GRIA4: variants seen among roughly 807,000 people sequenced by gnomAD.
GRIA4 encodes the protein glutamate ionotropic receptor AMPA type subunit 4.
GRIA4 carries 34 observed loss-of-function variants against 104.0 expected under a neutral mutation model. The observed-to-expected ratio is 0.33, with a 90% CI of 0.25 to 0.44. The LOEUF is 0.44. Ranked by LOEUF, GRIA4 falls within the 20% of genes least tolerant of loss-of-function variation. GRIA4 has a pLI of 1.00. For missense variants in GRIA4, 750 were observed against 1,096.5 expected, an observed-to-expected ratio of 0.68 and a Z score of 4.46; for synonymous variants, 386 against 381.9, an observed-to-expected ratio of 1.01 and a Z score of -0.13.
At chr11:105,947,617 T>A (rs1948348990) in intron 14 of GRIA4, among the ~76,000 whole-genome samples, 1 of 152,170 alleles carries the variant, frequency 6.6e-6, no homozygotes, top group South Asian at 2.1e-4. Flanking sequence ...AAGCATTGAT[T>A]TATATACTTG....
chr11:105,677,921 T>C (rs933025117), intron 3 of GRIA4, among the ~76,000 whole-genome samples: 6 of 151,990 alleles, frequency 3.9e-5, no homozygotes, highest in Non-Finnish European at 8.8e-5. Flanking sequence ...TGTTGCATTG[T>C]GAAGCATATT....
chr11:105,881,689 GA>G (rs770902987), intron 5 of GRIA4, among the ~76,000 whole-genome samples: 2 of 151,638 alleles, frequency 1.3e-5, no homozygotes, highest in African/African-American at 2.4e-5. Flanking sequence ...AAGTATAGAA[GA>G]AAATAAACAC....
chr11:105,858,032 C>T (rs987933652), intron 4 of GRIA4, among the ~76,000 whole-genome samples: 37 of 152,046 alleles, frequency 2.4e-4, no homozygotes, highest in African/African-American at 8.5e-4. Context: ...GACTGCTTAC[C>T]TCATTTTGAT....
intron 4 of GRIA4, among the ~76,000 whole-genome samples, chr11:105,823,380 T>C (rs1218824411): frequency 2.6e-5 from 4 of 151,970 alleles, no homozygotes; most frequent in African/African-American, 9.7e-5. Flanking sequence ...GTTAGGTTCT[T>C]GTGGAAAAAA....
chr11:105,859,064 A>G (rs1024212981), intron 4 of GRIA4, among the ~76,000 whole-genome samples: 4 of 152,192 alleles, frequency 2.6e-5, no homozygotes, highest in African/African-American at 4.8e-5. Flanking sequence ...TGGAAATAGT[A>G]TGACTTGACT....
At chr11:105,614,805 T>C (rs796296236) in intron 3 of GRIA4, among the ~76,000 whole-genome samples, 31 of 151,932 alleles carry the variant, frequency 2.0e-4, no homozygotes, top group African/African-American at 7.2e-4. Flanking sequence ...GGTCAGGTGA[T>C]TGGTGTTTGT....
At position 105,905,090 on chromosome 11, in the gene GRIA4, T is replaced by C. The variant is rs1483108980; in HGVS notation, c.1054-107T>C. On this transcript the variant is annotated intron_variant, in intron 8 of 16. Transcript: ENST00000282499. The stretch of plus-strand genomic sequence containing the variant: ...TAATGGCATTTCAGTTAGTTGGTTA[T>C]AGTTTATAGTTCTACTTTTTTAAGT... The C allele has an allele frequency of 4.6e-6, 3 of 655,364 alleles. No individual in the cohort carries two copies. The Admixed American group carries it at 7.5e-5, about 16-fold the overall frequency. The allele number at this position is 655,364 out of a possible 1,614,324, so 40.6% of individuals were successfully genotyped here.
At position 105,980,889 on chromosome 11, in the gene GRIA4, T is replaced by TGTC. The variant is rs897618869; in HGVS notation, c.*1151_*1153dup. On this transcript the variant is annotated 3_prime_UTR_variant, in exon 17 of 17. Transcript: ENST00000282499. ...TCTTTGACTCATTAACAGATTAAAC[T>TGTC]GTCAAAGATGGAGTCTTTGAGTTGG... is the stretch of plus-strand genomic sequence containing the variant. The TGTC allele has an allele frequency of 1.3e-5, 2 of 152,636 alleles. No individual in the cohort carries two copies. Among genetic ancestry groups the TGTC allele is most frequent in the African/African-American group, 4.8e-5 (2 of 41,444 alleles). The allele number at this position is 152,636 out of a possible 1,614,324, so 9.5% of individuals were successfully genotyped here. A position where few individuals can be genotyped will look rare whatever the true frequency, so the allele number is the denominator to read the frequency against.
intron 3 of GRIA4, among the ~76,000 whole-genome samples, chr11:105,643,488 A>T (rs1373518798): frequency 1.3e-5 from 2 of 151,976 alleles, no homozygotes; most frequent in Non-Finnish European, 1.5e-5. Flanking sequence ...TTTCTTTATG[A>T]TTTACTCAGG....
intron 3 of GRIA4, among the ~76,000 whole-genome samples, chr11:105,644,064 A>T (rs778759942): frequency 6.6e-5 from 10 of 152,238 alleles, no homozygotes; most frequent in Non-Finnish European, 1.2e-4. Flanking sequence ...GACATCAGAT[A>T]TCAGAAGAGT....
At chr11:105,721,019 T>G (rs1368783727) in intron 3 of GRIA4, among the ~76,000 whole-genome samples, 1 of 152,216 alleles carries the variant, frequency 6.6e-6, no homozygotes, top group Non-Finnish European at 1.5e-5. Flanking sequence ...TATATGCTCA[T>G]GGACAGTGTT....
At chr11:105,773,716 A>G (rs1941321341) in intron 4 of GRIA4, among the ~76,000 whole-genome samples, 3 of 152,146 alleles carry the variant, frequency 2.0e-5, no homozygotes, top group East Asian at 3.9e-4. Flanking sequence ...TTGTGAGCCA[A>G]TCAAGGTTGC....
intron 4 of GRIA4, among the ~76,000 whole-genome samples, chr11:105,847,477 CT>C (rs1207900703): frequency 1.3e-5 from 2 of 152,146 alleles, no homozygotes; most frequent in Non-Finnish European, 2.9e-5. Flanking sequence ...TAAAAAACCT[CT>C]TTATCTCTAG....
Position 105,612,263 on chromosome 11 carries a change from C to A in GRIA4, c.89-13C>A. ...GGAAACAGTGAATGTGCTTTTCCTG[C>A]TGTTTTTAATAGGTGGTCTCTTCAT... On this transcript the variant is annotated splice_polypyrimidine_tract_variant and intron_variant, in intron 2 of 16. Transcript: ENST00000282499. The A allele has an allele frequency of 1.2e-6, 2 of 1,613,234 alleles. No individual in the cohort carries two copies. The highest frequency in any genetic ancestry group is 1.7e-6 in the Non-Finnish European group (2 of 1,179,260).
intron 14 of GRIA4, among the ~76,000 whole-genome samples, chr11:105,965,438 C>T (rs914515360): frequency 1.3e-5 from 2 of 151,420 alleles, no homozygotes; most frequent in Non-Finnish European, 2.9e-5. Flanking sequence ...ACAACTAAAT[C>T]GAGCACACTA....
chr11:105,892,885 C>A (rs999243925), intron 6 of GRIA4, among the ~76,000 whole-genome samples: 3 of 151,942 alleles, frequency 2.0e-5, no homozygotes, highest in African/African-American at 7.3e-5. Flanking sequence ...AGTCAACCTA[C>A]GAAACTGAAA....
At chr11:105,790,608 A>G (rs1228893465) in intron 4 of GRIA4, among the ~76,000 whole-genome samples, 1 of 152,214 alleles carries the variant, frequency 6.6e-6, no homozygotes, top group Non-Finnish European at 1.5e-5. Flanking sequence ...CCATTCTTCC[A>G]TTACTTTTTC....
intron 3 of GRIA4, among the ~76,000 whole-genome samples, chr11:105,717,236 T>C (rs957241515): frequency 1.3e-5 from 2 of 152,116 alleles, no homozygotes; most frequent in Admixed American, 1.3e-4. Flanking sequence ...AAATTCATTC[T>C]TTCATTTCAG....
chr11:105,976,008 A>G (rs1858962246), intron 16 of GRIA4, among the ~76,000 whole-genome samples: 1 of 152,078 alleles, frequency 6.6e-6, no homozygotes, highest in Non-Finnish European at 1.5e-5. Flanking sequence ...CAAAACTACA[A>G]AGTGGGATAA....
Sources: gnomAD v4.1 joint callset for allele counts (sites outside exome capture counted in the v4.1 genomes callset) on GRCh38, gnomAD v4.1.1 for gene constraint, MANE v1.5 for transcripts, NCBI Gene and HGNC (gene_info 2026-07-23, HGNC 2026-07-21) for gene names.